The following SGCG variants were observed in gnomAD, a reference collection of about 807,000 sequenced individuals.
SGCG encodes the protein sarcoglycan gamma.
In SGCG, 26 loss-of-function variants were observed where a neutral mutation model predicts 29.3. That is an observed-to-expected ratio of 0.89 (90% CI 0.65 to 1.23). The LOEUF is 1.23. Ranked by LOEUF, SGCG falls within the 50% of genes most tolerant of loss-of-function variation. The pLI is 0.00. For missense variants in SGCG, 353 were observed against 356.0 expected, an observed-to-expected ratio of 0.99 and a Z score of 0.07; for synonymous variants, 145 against 129.7, an observed-to-expected ratio of 1.12 and a Z score of -0.80.
At chr13:23,252,935 C>T (rs940427699) in intron 4 of SGCG, among the ~76,000 whole-genome samples, 2 of 152,136 alleles carry the variant, frequency 1.3e-5, no homozygotes, top group African/African-American at 4.8e-5. Context: ...CTTCTCTCAG[C>T]CAGCTGTTTC....
chr13:23,318,682 TATCTC>T (rs1882921836), intron 6 of SGCG, among the ~76,000 whole-genome samples: 1 of 152,224 alleles, frequency 6.6e-6, no homozygotes, highest in African/African-American at 2.4e-5. Flanking sequence ...AGAGCAATCT[TATCTC>T]AGCCTTTTGG....
At chr13:23,264,663 C>T (rs1010513573) in intron 4 of SGCG, among the ~76,000 whole-genome samples, 1 of 152,032 alleles carries the variant, frequency 6.6e-6, no homozygotes, top group Non-Finnish European at 1.5e-5. Flanking sequence ...ATCACATTAC[C>T]GGACTTCAAA....
intron 6 of SGCG, among the ~76,000 whole-genome samples, chr13:23,308,039 G>A (rs1882422339): frequency 6.6e-6 from 1 of 152,220 alleles, no homozygotes; most frequent in Non-Finnish European, 1.5e-5. Flanking sequence ...CTAACAAGAA[G>A]TGGATTGCTG....
chr13:23,192,191 A>G (rs948604113), intron 1 of SGCG, among the ~76,000 whole-genome samples: 1 of 149,826 alleles, frequency 6.7e-6, no homozygotes, highest in South Asian at 2.2e-4. Flanking sequence ...AAAAAAAAAA[A>G]TGAAGGAAGT....
the SGCG span, among the ~76,000 whole-genome samples, chr13:23,163,723 C>G: frequency 5.9e-5 from 9 of 152,012 alleles, no homozygotes; most frequent in African/African-American, 2.2e-4. Flanking sequence ...TTGCTAAACT[C>G]TTTTTCAAAA....
the SGCG span, among the ~76,000 whole-genome samples, chr13:23,172,570 ATAT>A: frequency 2.0e-5 from 3 of 152,194 alleles, no homozygotes; most frequent in Admixed American, 1.3e-4. Flanking sequence ...ATTGCTAACC[ATAT>A]TATTGAGTAT....
intron 5 of SGCG, among the ~76,000 whole-genome samples, chr13:23,291,541 G>A (rs1881704697): frequency 6.6e-6 from 1 of 152,158 alleles, no homozygotes; most frequent in Non-Finnish European, 1.5e-5. Flanking sequence ...CTTTGAGGCT[G>A]AATAGTGATG....
At chr13:23,250,304 T>C (rs542571521) in intron 3 of SGCG, among the ~76,000 whole-genome samples, 49 of 152,222 alleles carry the variant, frequency 3.2e-4, no homozygotes, top group Non-Finnish European at 6.6e-4. Context: ...CCCACTGTTG[T>C]AGGTGTCTTT....
chr13:23,240,797 G>T (rs1483716591), intron 3 of SGCG, among the ~76,000 whole-genome samples: 1 of 152,128 alleles, frequency 6.6e-6, no homozygotes, highest in Non-Finnish European at 1.5e-5. Context: ...CATTAAATTT[G>T]GGAGGATGTA....
At chr13:23,215,725 C>A (rs372231232) in intron 2 of SGCG, among the ~76,000 whole-genome samples, 2 of 152,018 alleles carry the variant, frequency 1.3e-5, no homozygotes, top group South Asian at 2.1e-4. Context: ...AAAACCACCA[C>A]CCCATTGGTA....
intron 4 of SGCG, among the ~76,000 whole-genome samples, chr13:23,275,188 G>A (rs144707876): frequency 8.9e-4 from 132 of 148,250 alleles, no homozygotes; most frequent in African/African-American, 3.2e-3. Context: ...GATTATTACA[G>A]TCAGGGTTTC....
intron 6 of SGCG, among the ~76,000 whole-genome samples, chr13:23,298,194 A>G (rs1002729258): frequency 3.3e-5 from 5 of 152,016 alleles, no homozygotes; most frequent in Admixed American, 2.0e-4. Context: ...CATCTCTACT[A>G]AAAATACAAA....
chr13:23,322,768 A>ACCCCCCCCCC, intron 7 of SGCG, among the ~76,000 whole-genome samples: 2 of 33,424 alleles, frequency 6.0e-5, no homozygotes, highest in East Asian at 1.7e-3. Context: ...CCACCCATCC[A>ACCCCCCCCCC]CCTCCCCCCC....
intron 3 of SGCG, among the ~76,000 whole-genome samples, chr13:23,247,945 C>T (rs1459519125): frequency 5.2e-5 from 7 of 134,026 alleles, no homozygotes; most frequent in South Asian, 5.3e-4. Context: ...GAGTGAAACT[C>T]CCATCTCTTA....
In SGCG at chr13:23,238,588, T is replaced by C. The variant is rs111438299; in HGVS notation, c.297+3876T>C. ...ATCAACACTAGGAAAAAAATCCTGC[T>C]CTGGTCCATTCTAACAAAGCTTAAC... On this transcript the variant is annotated intron_variant, in intron 3 of 7. Transcript: ENST00000218867. 2.1e-3 allele frequency among the ~76,000 whole-genome samples: 313 copies of C among 152,298 alleles called. 1 individual carries two copies. Among genetic ancestry groups the C allele is most frequent in the African/African-American group, 7.3e-3 (305 of 41,562 alleles).
chr13:23,241,272 G>A (rs541554349), intron 3 of SGCG, among the ~76,000 whole-genome samples: 50 of 151,472 alleles, frequency 3.3e-4, no homozygotes, highest in Non-Finnish European at 5.9e-4. Flanking sequence ...AATCATAAAT[G>A]AAAAAGGAGA....
At chr13:23,272,048 C>G (rs1196985230) in intron 4 of SGCG, among the ~76,000 whole-genome samples, 1 of 152,102 alleles carries the variant, frequency 6.6e-6, no homozygotes, top group Non-Finnish European at 1.5e-5. Context: ...AGTTGAGTTA[C>G]TTTTATCAGA....
chr13:23,299,456 A>ATATT (rs1882059808), intron 6 of SGCG, among the ~76,000 whole-genome samples: 1 of 41,546 alleles, frequency 2.4e-5, no homozygotes, highest in African/African-American at 7.7e-5. Flanking sequence ...ATATATATAT[A>ATATT]TTTTTTTTTT....
In SGCG at chr13:23,295,438, C is replaced by A. The variant is rs375592456; in HGVS notation, c.529C>A (p.His177Asn). 5 of 1,613,890 alleles carry A rather than the reference C, an allele frequency of 3.1e-6. No homozygotes were observed. In the East Asian group the frequency reaches 1.1e-4, roughly 36 times the overall value. The change falls in exon 6 of 8, where the codon CAT becomes AAT. Residue 177 changes from histidine (H) to asparagine (N), a missense_variant. Physicochemically the swap from His to Asn is moderately conservative, Grantham distance 68 (BLOSUM62 1). Transcript: ENST00000218867. Reference protein sequence around the residue: ...VTGPEGALFEHSVETPLVRAD... With the variant: ...VTGPEGALFENSVETPLVRAD... ...AGGGCCTGAAGGGGCTCTTTTTGAA[C>A]ATTCAGTGGAGACACCCCTTGTCAG...
Sources: gnomAD v4.1 joint callset for allele counts (sites outside exome capture counted in the v4.1 genomes callset) on GRCh38, gnomAD v4.1.1 for gene constraint, MANE v1.5 for transcripts, NCBI Gene and HGNC (gene_info 2026-07-23, HGNC 2026-07-21) for gene names.